Variants in KYAT3 observed in about 807,000 individuals in gnomAD.
KYAT3 encodes kynurenine aminotransferase 3, also known as kynurenine--oxoglutarate transaminase 3.
KYAT3 carries 50 observed loss-of-function variants against 59.0 expected under a neutral mutation model. The observed-to-expected ratio is 0.85, with a 90% CI of 0.68 to 1.07. KYAT3 has a LOEUF of 1.07. Ranked by LOEUF, KYAT3 falls within the 50% of genes least tolerant of loss-of-function variation. The pLI, the probability that KYAT3 is intolerant of heterozygous loss-of-function variation, is 0.00. For missense variants in KYAT3, 497 were observed against 533.3 expected (o/e 0.93, Z 0.67); for synonymous variants, 148 against 177.0 (o/e 0.84, Z 1.30).
chr1:88,986,565 T>C (rs1677471286), intron 2 of KYAT3, among the ~76,000 whole-genome samples: 1 of 151,270 alleles, frequency 6.6e-6, no homozygotes, highest in Admixed American at 6.6e-5. Context: ...GTGCTGGGAT[T>C]GCAGGTGTTA....
At chr1:88,983,441 A>T in intron 2 of KYAT3, 5 of 1,614,072 alleles carry the variant, frequency 3.1e-6, no homozygotes, top group Non-Finnish European at 2.5e-6. Context: ...ACCATCATCC[A>T]TGTGTCCTCC....
rs71084932 is a variant in KYAT3 at position 88,974,469 on chromosome 1, CTTTTTTTTTT to C, written c.100-5012_100-5003del. Among the ~76,000 whole-genome samples, 11 of 69,660 alleles carry C rather than the reference CTTTTTTTTTT, an allele frequency of 1.6e-4. No homozygotes were observed. In the Admixed American group the frequency reaches 1.8e-3, roughly 12 times the overall value. 45.7% of individuals were successfully genotyped at this position (69,660 alleles called of 152,430 possible). On this transcript the variant is annotated intron_variant, in intron 2 of 13. Coordinates refer to ENST00000260508, the MANE Select transcript of KYAT3 (RefSeq NM_001008661.3). ...TTGCAATGCATTTTGGTGTCTCTCT[CTTTTTTTTTT>C]TTTTTTTTTTTTTTGAGACAGAGTC...
intron 2 of KYAT3, 111 bp downstream of exon 2, chr1:88,988,141 A>G (rs1677577600): frequency 4.5e-6 from 3 of 672,844 alleles, no homozygotes; most frequent in Middle Eastern, 3.8e-4. Flanking sequence ...CATATGTAAT[A>G]GAAATGTTCA....
intron 13 of KYAT3, among the ~76,000 whole-genome samples, chr1:88,937,543 T>C (rs2101009854): frequency 6.6e-6 from 1 of 152,284 alleles, no homozygotes; most frequent in Non-Finnish European, 1.5e-5. Flanking sequence ...TTGATACATA[T>C]GAATAAGTTA....
chr1:88,934,759 GATAGAA>G (rs1460636230), downstream of KYAT3, among the ~76,000 whole-genome samples: 18 of 152,092 alleles, frequency 1.2e-4, no homozygotes, highest in African/African-American at 4.3e-4. Flanking sequence ...TAAGGGAGCC[GATAGAA>G]ATAAAATGGA....
intron 2 of KYAT3, chr1:88,980,523 C>T (rs1347118652): frequency 6.6e-6 from 1 of 152,160 alleles, no homozygotes; most frequent in Non-Finnish European, 1.5e-5. Context: ...CTATGTTCAA[C>T]TACCACTTAA....
At chr1:88,987,419 T>A (rs1007288780) in intron 2 of KYAT3, among the ~76,000 whole-genome samples, 1 of 152,166 alleles carries the variant, frequency 6.6e-6, no homozygotes, top group African/African-American at 2.4e-5. Flanking sequence ...CTGATGATGG[T>A]TTTTATGAAA....
the KYAT3 span, among the ~76,000 whole-genome samples, chr1:88,925,354 T>G: frequency 6.6e-6 from 1 of 152,172 alleles, no homozygotes; most frequent in South Asian, 2.1e-4. Context: ...TTCTTGAAAG[T>G]GTAGCCCCAA....
At chr1:88,943,280 T>G in intron 12 of KYAT3, 70 bp downstream of exon 12, 1 of 1,055,860 alleles carries the variant, frequency 9.5e-7, no homozygotes, top group African/African-American at 1.6e-5. Flanking sequence ...TTTCAAAGCA[T>G]ACCAGCAGAT....
At chr1:88,983,338 C>T in intron 2 of KYAT3, 2 of 1,614,132 alleles carry the variant, frequency 1.2e-6, no homozygotes, top group Non-Finnish European at 1.7e-6. Flanking sequence ...GTGCAGATCT[C>T]TTAGGAGAAG....
intron 10 of KYAT3, among the ~76,000 whole-genome samples, chr1:88,952,106 C>T (rs564487866): frequency 5.3e-5 from 8 of 152,198 alleles, no homozygotes; most frequent in Middle Eastern, 3.4e-3. Context: ...GCTGAAGAAC[C>T]GTAGGATAAT....
At chr1:88,991,917 A>C (rs954928243) in intron 1 of KYAT3, among the ~76,000 whole-genome samples, 1 of 152,144 alleles carries the variant, frequency 6.6e-6, no homozygotes, top group African/African-American at 2.4e-5. Context: ...TTCTGTTTTA[A>C]CTACAAATGT....
intron 8 of KYAT3, among the ~76,000 whole-genome samples, chr1:88,956,654 T>C (rs555830969): frequency 6.6e-6 from 1 of 152,286 alleles, no homozygotes; most frequent in South Asian, 2.1e-4. Context: ...CTGCAGCCAG[T>C]AATTCTTAAG....
chr1:88,942,577 T>G (rs1442027976), intron 13 of KYAT3, among the ~76,000 whole-genome samples: 3 of 152,160 alleles, frequency 2.0e-5, no homozygotes, highest in Admixed American at 6.6e-5. Context: ...TAATTTTTTT[T>G]TTTGAGACGG....
In KYAT3 at chr1:88,964,857, AT is replaced by A; in HGVS notation, c.424del (p.Ile142PhefsTer4). ...VGAYGSLFNT[I>X]QALIDEGDEV... is the part of the protein sequence containing the mutation. ...ATCTCCCTCATCAATTAATGCTTGAATGGTGTTAAAAAGAGATCCATATGCT... is the reference window on the plus strand; with the variant it reads ...ATCTCCCTCATCAATTAATGCTTGAAGGTGTTAAAAAGAGATCCATATGCT... On this transcript the variant is annotated frameshift_variant, in exon 5 of 14. Coordinates refer to ENST00000260508, the MANE Select transcript of KYAT3 (RefSeq NM_001008661.3). LOFTEE classifies it high-confidence loss of function. 1 of 1,599,618 alleles carries A rather than the reference AT, an allele frequency of 6.3e-7. No homozygotes were observed. The highest frequency in any genetic ancestry group is 1.1e-5 in the South Asian group (1 of 87,512).
chr1:88,961,095 A>T, intron 8 of KYAT3, 72 bp downstream of exon 8: 2 of 1,535,754 alleles, frequency 1.3e-6, no homozygotes, highest in Non-Finnish European at 1.8e-6. Context: ...TTGGTCTGGG[A>T]TGCTTTCCAA....
At chr1:88,923,125 T>G in the KYAT3 span, among the ~76,000 whole-genome samples, 10 of 152,232 alleles carry the variant, frequency 6.6e-5, no homozygotes, top group African/African-American at 2.4e-4. Flanking sequence ...GACAGAAAAT[T>G]GCCATTTATT....
chr1:88,974,469 C>CTTTTTTTTTTTTTT (rs71084932), intron 2 of KYAT3, among the ~76,000 whole-genome samples: 1 of 69,660 alleles, frequency 1.4e-5, no homozygotes, highest in Non-Finnish European at 2.5e-5. Flanking sequence ...GTGTCTCTCT[C>CTTTTTTTTTTTTTT]TTTTTTTTTT....
At chr1:88,986,608 C>T (rs1360611130) in intron 2 of KYAT3, among the ~76,000 whole-genome samples, 1 of 152,012 alleles carries the variant, frequency 6.6e-6, no homozygotes, top group African/African-American at 2.4e-5. Flanking sequence ...TTTCCTTTAG[C>T]ATTCAAAACA....
Sources: allele counts gnomAD v4.1 joint callset (sites outside exome capture counted in the v4.1 genomes callset), GRCh38; gene constraint gnomAD v4.1.1; transcripts MANE v1.5; gene names NCBI Gene and HGNC (gene_info 2026-07-23, HGNC 2026-07-21).